SEC24D: variants seen among roughly 807,000 people sequenced by gnomAD.
The protein encoded by SEC24D is SEC24 homolog D, COPII component.
A neutral mutation model predicts 116.9 loss-of-function variants in SEC24D; 69 were observed. The ratio of observed to expected loss-of-function variants is 0.59; its 90% CI spans 0.49 to 0.72. The LOEUF is 0.72. SEC24D is among the 30% of genes least tolerant of loss of function. The pLI, the probability that SEC24D is intolerant of heterozygous loss-of-function variation, is 0.00. For missense variants in SEC24D, 1,131 were observed against 1,264.1 expected, an observed-to-expected ratio of 0.89 and a Z score of 1.60; for synonymous variants, 405 against 442.8, an observed-to-expected ratio of 0.91 and a Z score of 1.07.
intron 12 of SEC24D, among the ~76,000 whole-genome samples, chr4:118,752,361 G>A (rs574866476): frequency 1.3e-5 from 2 of 152,138 alleles, no homozygotes; most frequent in East Asian, 3.9e-4. Context: ...TTGGAACAGT[G>A]GCTACATCTT....
chr4:118,735,358 G>C (rs10023619), intron 19 of SEC24D, among the ~76,000 whole-genome samples: 2,214 of 152,258 alleles, frequency 0.015, 57 homozygotes, highest in African/African-American at 0.05. Context: ...CTCCCCACCC[G>C]ACTGACCCCC....
At chr4:118,826,157 A>G (rs1730584224) in intron 2 of SEC24D, among the ~76,000 whole-genome samples, 1 of 152,046 alleles carries the variant, frequency 6.6e-6, no homozygotes. Context: ...ATATACCACT[A>G]TTTTCAATAA....
intron 8 of SEC24D, among the ~76,000 whole-genome samples, chr4:118,774,304 TG>T (rs1728040447): frequency 6.6e-6 from 1 of 152,160 alleles, no homozygotes; most frequent in Admixed American, 6.5e-5. Context: ...TTTTTATTTT[TG>T]GGTTTCTTTT....
chr4:118,834,570 T>C (rs1208034098), intron 1 of SEC24D, among the ~76,000 whole-genome samples: 1 of 151,908 alleles, frequency 6.6e-6, no homozygotes, highest in Non-Finnish European at 1.5e-5. Context: ...AAGAGATATT[T>C]CATAGGACTG....
At chr4:118,747,420 C>T (rs1167115261) in intron 13 of SEC24D, among the ~76,000 whole-genome samples, 1 of 151,824 alleles carries the variant, frequency 6.6e-6, no homozygotes, top group Non-Finnish European at 1.5e-5. Context: ...ACGTGCGCCA[C>T]CACGCCCAGC....
At chr4:118,780,100 CCTT>C (rs1024904232) in intron 8 of SEC24D, among the ~76,000 whole-genome samples, 18 of 152,184 alleles carry the variant, frequency 1.2e-4, no homozygotes, top group African/African-American at 4.3e-4. Context: ...TTCTCTATCT[CCTT>C]CAGTTCTGCT....
chr4:118,792,992 T>C (rs1729000454), intron 8 of SEC24D, among the ~76,000 whole-genome samples: 4 of 152,202 alleles, frequency 2.6e-5, no homozygotes, highest in South Asian at 4.1e-4. Context: ...ACAGATGATA[T>C]TTAGTTTTTG....
chr4:118,748,710 TA>T (rs1726667649), intron 13 of SEC24D, among the ~76,000 whole-genome samples: 1 of 152,088 alleles, frequency 6.6e-6, no homozygotes, highest in Admixed American at 6.5e-5. Context: ...TTTTTTTTAA[TA>T]GAAAAGACTA....
intron 13 of SEC24D, among the ~76,000 whole-genome samples, chr4:118,748,766 T>A (rs1039670719): frequency 6.6e-6 from 1 of 152,064 alleles, no homozygotes; most frequent in Non-Finnish European, 1.5e-5. Context: ...AGTATCCTAC[T>A]GTCTTCTCCT....
chr4:118,808,004 C>A (rs1729747798), intron 6 of SEC24D, among the ~76,000 whole-genome samples: 1 of 152,164 alleles, frequency 6.6e-6, no homozygotes, highest in Non-Finnish European at 1.5e-5. Context: ...CTCTGATGCC[C>A]AGGCTGGAGT....
At chr4:118,829,807 C>T (rs913554495) in intron 2 of SEC24D, among the ~76,000 whole-genome samples, 7 of 150,686 alleles carry the variant, frequency 4.6e-5, no homozygotes, top group African/African-American at 1.7e-4. Context: ...AGCGAAACTC[C>T]GTCTCAAAAA....
Position 118,724,386 on chromosome 4 carries a change from C to T in SEC24D, c.2959-731G>A, listed in dbSNP as rs559880480. 2.0e-5 allele frequency among the ~76,000 whole-genome samples: 3 copies of T among 152,066 alleles called. No homozygotes were observed. In the South Asian group the frequency reaches 6.3e-4, roughly 32 times the overall value. ...ATACTATTGAGCATTTAAAATGTGGCTCATCCAAATTGAGATGTGCTGTAA... is the reference window on the plus strand; with the variant it reads ...ATACTATTGAGCATTTAAAATGTGGTTCATCCAAATTGAGATGTGCTGTAA... On this transcript the variant is annotated intron_variant, in intron 22 of 22. Transcript: ENST00000280551.
chr4:118,775,485 A>C (rs1017259997), intron 8 of SEC24D, among the ~76,000 whole-genome samples: 1 of 152,156 alleles, frequency 6.6e-6, no homozygotes, highest in Non-Finnish European at 1.5e-5. Context: ...AGCTTAACAC[A>C]GGAGGAAAAG....
intron 8 of SEC24D, among the ~76,000 whole-genome samples, chr4:118,784,638 G>T (rs1025778308): frequency 6.6e-5 from 10 of 151,756 alleles, no homozygotes; most frequent in Non-Finnish European, 1.3e-4. Context: ...TATTTTTCAA[G>T]AAAGTAAATG....
chr4:118,829,891 T>C (rs544783442), intron 2 of SEC24D, among the ~76,000 whole-genome samples: 1 of 152,202 alleles, frequency 6.6e-6, no homozygotes, highest in Admixed American at 6.5e-5. Flanking sequence ...TACGATAATG[T>C]GAGCAACACA....
At chr4:118,829,572 A>G (rs150509595) in intron 2 of SEC24D, among the ~76,000 whole-genome samples, 6,645 of 152,144 alleles carry the variant, frequency 0.044, 202 homozygotes, top group Non-Finnish European at 0.064. Context: ...CAGCACTTTG[A>G]GAGGCCGAGG....
intron 7 of SEC24D, among the ~76,000 whole-genome samples, chr4:118,805,306 G>A (rs559985513): frequency 6.8e-4 from 104 of 152,204 alleles, no homozygotes; most frequent in African/African-American, 2.2e-3. Context: ...AGATTTCATC[G>A]GGCTATATTC....
rs71595318 is a variant in SEC24D, at chr4:118,752,896, GAAAA to G, written c.1422-12_1422-9del. On this transcript the variant is annotated splice_polypyrimidine_tract_variant and intron_variant, in intron 11 of 22. Transcript: ENST00000280551. ...GTCTCTTCTTGCTCTTCCCTGTAAGGAAAAAAAAAAGTGTTTGAGATGCTTTATA... is the reference window on the plus strand; with the variant it reads ...GTCTCTTCTTGCTCTTCCCTGTAAGGAAAAAAGTGTTTGAGATGCTTTATA... The G allele has an allele frequency of 1.6e-5, 23 of 1,402,298 alleles. No individual in the cohort carries two copies. Among genetic ancestry groups the G allele is most frequent in the Non-Finnish European group, 2.1e-5 (22 of 1,052,076 alleles). 86.9% of individuals were successfully genotyped at this position (1,402,298 alleles called of 1,614,324 possible). A position where few individuals can be genotyped will look rare whatever the true frequency, so the allele number is the denominator to read the frequency against.
chr4:118,791,757 C>T (rs1377263600), intron 8 of SEC24D, among the ~76,000 whole-genome samples: 3 of 152,176 alleles, frequency 2.0e-5, no homozygotes, highest in African/African-American at 4.8e-5. Flanking sequence ...AGCTCCTGAC[C>T]GCGAGTGACC....
Sources: gnomAD v4.1 joint callset for allele counts (sites outside exome capture counted in the v4.1 genomes callset) on GRCh38, gnomAD v4.1.1 for gene constraint, MANE v1.5 for transcripts, NCBI Gene and HGNC (gene_info 2026-07-23, HGNC 2026-07-21) for gene names.